Variants in GLCE observed in about 807,000 individuals in gnomAD.
The protein encoded by GLCE is D-glucuronyl C5-epimerase.
In GLCE, 19 loss-of-function variants were observed where a neutral mutation model predicts 47.9. The ratio of observed to expected loss-of-function variants is 0.40; its 90% CI spans 0.28 to 0.58. GLCE has a LOEUF of 0.58. Among genes scored for constraint, GLCE ranks in the 20% least tolerant of loss-of-function variants. GLCE has a pLI of 0.48. For synonymous variants in GLCE, 245 were observed against 263.4 expected, an observed-to-expected ratio of 0.93 and a Z score of 0.68; for missense variants, 556 against 743.3, an observed-to-expected ratio of 0.75 and a Z score of 2.93.
At chr15:69,245,648 G>C (rs1470080091) in intron 2 of GLCE, among the ~76,000 whole-genome samples, 1 of 152,166 alleles carries the variant, frequency 6.6e-6, no homozygotes, top group Non-Finnish European at 1.5e-5. Context: ...CAAAATTGGA[G>C]TCAATCCTCC....
chr15:69,264,377 C>T lies in GLCE; in HGVS notation c.829+3048C>T, dbSNP rs150451188. Among the ~76,000 whole-genome samples the T allele has an allele frequency of 4.2e-3, 646 of 152,066 alleles. 5 individuals are homozygous for T. The highest frequency in any genetic ancestry group is 0.014 in the African/African-American group (562 of 41,470). ...TTCTATAGGTATGTGTGTGTGTATA[C>T]ACACATGTGTGTGCACGTGCACACA... is the stretch of plus-strand genomic sequence containing the variant. On this transcript the variant is annotated intron_variant, in intron 4 of 4. Transcript: ENST00000261858.
intron 1 of GLCE, among the ~76,000 whole-genome samples, chr15:69,203,065 A>C (rs961513097): frequency 1.3e-5 from 2 of 152,130 alleles, no homozygotes; most frequent in Non-Finnish European, 2.9e-5. Context: ...CTACTTTTAT[A>C]GAGATAGGTG....
At chr15:69,266,647 A>T (rs1297954420) in intron 4 of GLCE, 3 of 340,416 alleles carry the variant, frequency 8.8e-6, no homozygotes, top group African/African-American at 6.6e-5. Flanking sequence ...GCTCCTGGTG[A>T]CACACTAAAG....
At chr15:69,231,348 A>T (rs1398710276) in intron 2 of GLCE, among the ~76,000 whole-genome samples, 1 of 147,582 alleles carries the variant, frequency 6.8e-6, no homozygotes, top group Admixed American at 6.9e-5. Flanking sequence ...CAGTGGCCTG[A>T]TCTTGCCTCA....
rs774419888 is a variant in GLCE, at chr15:69,261,168, G to A, written c.668G>A (p.Ser223Asn). ...GCACAGTATGGATTAAGTCATTACA[G>A]CAAGAATCTAACTGAGAAACCTCCT... ...QIAQYGLSHY[S>N]KNLTEKPPHI... The change falls in exon 4 of 5, where the codon AGC becomes AAC. Residue 223 changes from serine to asparagine, a missense_variant. Ser to Asn is a conservative substitution (Grantham distance 46). Around this residue, in one of 3 missense-constraint regions of GLCE, gnomAD observed 237 missense variants for 310.9 expected, o/e 0.76. Coordinates refer to ENST00000261858, the MANE Select transcript of GLCE (RefSeq NM_015554.3). The A allele has an allele frequency of 6.2e-7, 1 of 1,613,900 alleles. No homozygotes were observed.
chr15:69,242,736 T>C (rs763706001), intron 2 of GLCE, among the ~76,000 whole-genome samples: 1 of 151,978 alleles, frequency 6.6e-6, no homozygotes, highest in Non-Finnish European at 1.5e-5. Context: ...CTGCCTAGTT[T>C]ATGGTTGCTG....
At chr15:69,230,662 C>T (rs2052509965) in intron 2 of GLCE, among the ~76,000 whole-genome samples, 1 of 152,160 alleles carries the variant, frequency 6.6e-6, no homozygotes, top group African/African-American at 2.4e-5. Context: ...TTAAAGTGCA[C>T]ATTCTATTCT....
At chr15:69,231,494 A>T (rs1243079249) in intron 2 of GLCE, among the ~76,000 whole-genome samples, 1 of 151,884 alleles carries the variant, frequency 6.6e-6, no homozygotes, top group Non-Finnish European at 1.5e-5. Context: ...CATGTTAGCC[A>T]GGATGGTCTC....
chr15:69,221,790 G>A (rs953479351), intron 2 of GLCE, among the ~76,000 whole-genome samples: 1 of 151,350 alleles, frequency 6.6e-6, no homozygotes, highest in African/African-American at 2.4e-5. Context: ...TTGAACCTGG[G>A]AGGTGGATGT....
chr15:69,180,720 G>A (rs2051737620), intron 1 of GLCE, among the ~76,000 whole-genome samples: 1 of 152,212 alleles, frequency 6.6e-6, no homozygotes, highest in Non-Finnish European at 1.5e-5. Context: ...AGGTAATGAT[G>A]GCACTGGTGA....
chr15:69,230,193 G>C (rs2052502973), intron 2 of GLCE, among the ~76,000 whole-genome samples: 1 of 142,806 alleles, frequency 7.0e-6, no homozygotes, highest in South Asian at 2.3e-4. Flanking sequence ...GGGTGACAGA[G>C]AGAAACTCCA....
chr15:69,166,299 C>T (rs77603746), intron 1 of GLCE, among the ~76,000 whole-genome samples: 18,524 of 152,220 alleles, frequency 0.12, 1,192 homozygotes, highest in East Asian at 0.16. Flanking sequence ...GTAGGTCTGA[C>T]TGTCTCCAGA....
chr15:69,194,677 G>A (rs2051960288), intron 1 of GLCE, among the ~76,000 whole-genome samples: 1 of 152,106 alleles, frequency 6.6e-6, no homozygotes, highest in Admixed American at 6.6e-5. Flanking sequence ...GTGGTATTTG[G>A]TATCTGTTTG....
chr15:69,171,557 C>T (rs1004580147), intron 1 of GLCE, among the ~76,000 whole-genome samples: 10 of 151,920 alleles, frequency 6.6e-5, no homozygotes, highest in Non-Finnish European at 1.3e-4. Flanking sequence ...CCACCATGCC[C>T]GGCCAATTTT....
chr15:69,270,186 A>AT lies in GLCE; in HGVS notation c.*947dup, dbSNP rs11319245. ...CACCACCATATTTTACTTTTTTAGG[A>AT]TTTTTCCCCCTTTAAATAAAAATAT... On this transcript the variant is annotated 3_prime_UTR_variant, in exon 5 of 5. Coordinates refer to ENST00000261858, the MANE Select transcript of GLCE (RefSeq NM_015554.3). 2.0e-5 allele frequency: 3 copies of AT among 152,006 alleles called. No individual in the cohort carries two copies. Among genetic ancestry groups the AT allele is most frequent in the Non-Finnish European group, 4.4e-5 (3 of 67,994 alleles). 9.4% of individuals were successfully genotyped at this position (152,006 alleles called of 1,614,324 possible). A position where few individuals can be genotyped will look rare whatever the true frequency, so the allele number is the denominator to read the frequency against.
chr15:69,177,708 G>A (rs140687037), intron 1 of GLCE, among the ~76,000 whole-genome samples: 1 of 135,590 alleles, frequency 7.4e-6, no homozygotes, highest in Non-Finnish European at 1.7e-5. Flanking sequence ...ACTTCATGCC[G>A]CTTTATCATC....
At chr15:69,242,334 C>T (rs1217584574) in intron 2 of GLCE, among the ~76,000 whole-genome samples, 1 of 152,048 alleles carries the variant, frequency 6.6e-6, no homozygotes, top group Non-Finnish European at 1.5e-5. Context: ...ACCACCTTTT[C>T]AATGTGGATT....
intron 1 of GLCE, among the ~76,000 whole-genome samples, chr15:69,194,977 G>A (rs2051965757): frequency 6.6e-6 from 1 of 152,044 alleles, no homozygotes; most frequent in Admixed American, 6.6e-5. Flanking sequence ...AGAAAATAGT[G>A]AACTTGGATT....
In GLCE at chr15:69,187,692, T is replaced by C. The variant is rs1263699558; in HGVS notation, c.-104-22624T>C. Among the ~76,000 whole-genome samples the C allele has an allele frequency of 2.0e-5, 3 of 152,300 alleles. No homozygotes were observed. In the East Asian group the frequency reaches 5.8e-4, roughly 29 times the overall value. ...TACTACATTAAGGAATAGAAGCCTA[T>C]ATAAAAGGTTTTCGTTTGGTTTTGT... is the stretch of plus-strand genomic sequence containing the variant. On this transcript the variant is annotated intron_variant, in intron 1 of 4. Transcript: ENST00000261858.
Sources: gnomAD v4.1 joint callset for allele counts (sites outside exome capture counted in the v4.1 genomes callset) on GRCh38, gnomAD v4.1.1 for gene constraint, gnomAD v4.1.1 regional missense constraint, MANE v1.5 for transcripts, NCBI Gene and HGNC (gene_info 2026-07-23, HGNC 2026-07-21) for gene names.